The following CYREN variants were observed in gnomAD, a reference collection of about 807,000 sequenced individuals.
The protein encoded by CYREN is cell cycle regulator of non-homologous end joining.
A neutral mutation model predicts 9.7 loss-of-function variants in CYREN; 7 were observed. The observed-to-expected ratio is 0.72, with a 90% CI of 0.41 to 1.36. The LOEUF (loss-of-function observed/expected upper bound fraction) is 1.36. Ranked by LOEUF, CYREN falls within the 40% of genes most tolerant of loss-of-function variation. The pLI, the probability that CYREN is intolerant of heterozygous loss-of-function variation, is 0.01. For missense variants in CYREN, 215 were observed against 198.1 expected (o/e 1.09, Z -0.51); for synonymous variants, 76 against 77.9 (o/e 0.98, Z 0.13).
At chr7:135,134,708 G>T (rs942980469) in intron 2 of CYREN, 3 of 842,340 alleles carry the variant, frequency 3.6e-6, no homozygotes, top group Non-Finnish European at 5.3e-6. Flanking sequence ...CTAAATGATG[G>T]TAAAATTCTT....
chr7:135,142,750 A>C (rs1265048931), intron 2 of CYREN, among the ~76,000 whole-genome samples: 2 of 152,170 alleles, frequency 1.3e-5, no homozygotes, highest in Non-Finnish European at 2.9e-5. Flanking sequence ...TAAAAACGAA[A>C]TACTTAAGTA....
intron 2 of CYREN, among the ~76,000 whole-genome samples, chr7:135,127,407 C>T (rs900767912): frequency 1.3e-5 from 2 of 151,946 alleles, no homozygotes; most frequent in African/African-American, 2.4e-5. Context: ...AAAAAATTAG[C>T]CGGGGTGTGG....
intron 2 of CYREN, among the ~76,000 whole-genome samples, chr7:135,107,221 A>C (rs531930825): frequency 6.6e-6 from 1 of 151,740 alleles, no homozygotes; most frequent in African/African-American, 2.4e-5. Context: ...CCTCCACTTC[A>C]GCTCTGACTT....
chr7:135,123,876 A>G (rs1214802732), intron 2 of CYREN, among the ~76,000 whole-genome samples: 1 of 152,212 alleles, frequency 6.6e-6, no homozygotes, highest in African/African-American at 2.4e-5. Flanking sequence ...GCTGCCTTGC[A>G]AGAGCTCCTG....
intron 2 of CYREN, among the ~76,000 whole-genome samples, chr7:135,134,470 T>C (rs1346970832): frequency 6.6e-6 from 1 of 152,122 alleles, no homozygotes; most frequent in Non-Finnish European, 1.5e-5. Flanking sequence ...ACTGAATCCA[T>C]TCTAATAGAA....
chr7:135,168,119 G>A (rs943542075), intron 2 of CYREN: 21 of 403,764 alleles, frequency 5.2e-5, no homozygotes, highest in South Asian at 4.1e-4. Context: ...AGGGAACCTC[G>A]GGCTGAGGCT....
chr7:135,113,771 T>C (rs1230133961), intron 2 of CYREN, among the ~76,000 whole-genome samples: 1 of 152,202 alleles, frequency 6.6e-6, no homozygotes, highest in Non-Finnish European at 1.5e-5. Context: ...CTCCTTTTTC[T>C]CTTTTAAAAT....
intron 2 of CYREN, chr7:135,148,092 C>T (rs184613889): frequency 1.8e-5 from 8 of 456,058 alleles, no homozygotes; most frequent in Admixed American, 1.4e-4. Context: ...TTACTAGGCA[C>T]GACTGCGAAG....
intron 2 of CYREN, among the ~76,000 whole-genome samples, chr7:135,138,402 G>A (rs552449417): frequency 2.6e-5 from 4 of 151,926 alleles, no homozygotes; most frequent in South Asian, 2.1e-4. Flanking sequence ...GTAAGGAATC[G>A]GAGGGAGGAA....
chr7:135,134,116 TG>T (rs1476269027), intron 2 of CYREN, among the ~76,000 whole-genome samples: 2 of 152,028 alleles, frequency 1.3e-5, no homozygotes, highest in Admixed American at 6.6e-5. Flanking sequence ...GAGGGCAACA[TG>T]GGGGCAGTGT....
chr7:135,157,959 A>G (rs1829835819), intron 2 of CYREN, among the ~76,000 whole-genome samples: 1 of 152,144 alleles, frequency 6.6e-6, no homozygotes, highest in Non-Finnish European at 1.5e-5. Flanking sequence ...ATGGTCAAGA[A>G]GCTGTAGGGA....
intron 2 of CYREN, among the ~76,000 whole-genome samples, chr7:135,158,975 G>A (rs577702405): frequency 5.4e-4 from 83 of 152,342 alleles, no homozygotes; most frequent in East Asian, 1.2e-3. Context: ...AGGCAGCTCC[G>A]AATGTCAGGC....
intron 2 of CYREN, chr7:135,134,894 C>A (rs1486519695): frequency 5.8e-6 from 9 of 1,551,010 alleles, no homozygotes; most frequent in Non-Finnish European, 7.0e-6. Context: ...TCTTGGACAG[C>A]ACCCAGAAAT....
chr7:135,128,932 T>C, intron 2 of CYREN: 2 of 1,550,192 alleles, frequency 1.3e-6, no homozygotes, highest in Admixed American at 3.3e-5. Flanking sequence ...CTGTGCAATA[T>C]CTGTTTCTGT....
At chr7:135,154,610 T>C (rs1829742893) in intron 2 of CYREN, among the ~76,000 whole-genome samples, 1 of 152,216 alleles carries the variant, frequency 6.6e-6, no homozygotes, top group Non-Finnish European at 1.5e-5. Context: ...ATTGACCCAG[T>C]AGTTGTTCAG....
chr7:135,147,727 T>C, intron 2 of CYREN: 1 of 455,608 alleles, frequency 2.2e-6, no homozygotes, highest in South Asian at 1.5e-5. Context: ...ACCTGGGTCC[T>C]GACTGCCACA....
intron 2 of CYREN, among the ~76,000 whole-genome samples, chr7:135,108,864 A>C (rs1825175932): frequency 6.6e-6 from 1 of 152,094 alleles, no homozygotes; most frequent in African/African-American, 2.4e-5. Context: ...TGTTTCTCAG[A>C]GGTTTTGTTC....
At chr7:135,171,419 A>ATT (rs1830651356), upstream of CYREN, among the ~76,000 whole-genome samples, 1 of 152,084 alleles carries the variant, frequency 6.6e-6, no homozygotes, top group South Asian at 2.1e-4. Flanking sequence ...AGTAGTTAAA[A>ATT]ATCAACTCAT....
downstream of CYREN, among the ~76,000 whole-genome samples, chr7:135,162,101 G>A (rs1006222693): frequency 6.6e-6 from 1 of 152,208 alleles, no homozygotes; most frequent in African/African-American, 2.4e-5. Flanking sequence ...CTCTCTCTCA[G>A]CCTGTTCCAT....
Sources: gnomAD v4.1 joint callset for allele counts (sites outside exome capture counted in the v4.1 genomes callset) on GRCh38, gnomAD v4.1.1 for gene constraint, MANE v1.5 for transcripts, NCBI Gene and HGNC (gene_info 2026-07-23, HGNC 2026-07-21) for gene names.